DPF3: variants seen among roughly 807,000 people sequenced by gnomAD.
The protein encoded by DPF3 is zinc finger protein DPF3.
In DPF3, 18 loss-of-function variants were observed where a neutral mutation model predicts 56.8. The observed-to-expected ratio is 0.32, with a 90% CI of 0.22 to 0.47. DPF3 has a LOEUF of 0.47. Ranked by LOEUF, DPF3 falls within the 20% of genes least tolerant of loss-of-function variation. The pLI, the probability that DPF3 is intolerant of heterozygous loss-of-function variation, is 1.00. For missense variants in DPF3, 403 were observed against 488.8 expected, an observed-to-expected ratio of 0.82 and a Z score of 1.65; for synonymous variants, 188 against 180.2, an observed-to-expected ratio of 1.04 and a Z score of -0.35.
chr14:72,835,329 G>A (rs776794428), intron 1 of DPF3, among the ~76,000 whole-genome samples: 1 of 152,196 alleles, frequency 6.6e-6, no homozygotes, highest in Non-Finnish European at 1.5e-5. Flanking sequence ...GCCTCCCAAA[G>A]TGCTGGAATT....
chr14:72,851,517 CT>C (rs1884983938), intron 1 of DPF3, among the ~76,000 whole-genome samples: 1 of 152,154 alleles, frequency 6.6e-6, no homozygotes, highest in Admixed American at 6.5e-5. Flanking sequence ...AGGTAACATC[CT>C]TTTCCTCCCC....
At chr14:72,739,733 G>GA (rs1413348845) in intron 3 of DPF3, among the ~76,000 whole-genome samples, 1 of 152,168 alleles carries the variant, frequency 6.6e-6, no homozygotes, top group Non-Finnish European at 1.5e-5. Flanking sequence ...AGCTTCGGGG[G>GA]AAAAATCATG....
intron 5 of DPF3, among the ~76,000 whole-genome samples, chr14:72,715,888 C>T (rs559683801): frequency 1.3e-5 from 2 of 150,764 alleles, no homozygotes; most frequent in East Asian, 2.0e-4. Context: ...CTCCTCCCCT[C>T]GCCCTCATTA....
intron 1 of DPF3, among the ~76,000 whole-genome samples, chr14:72,816,519 C>G (rs373880323): frequency 1.8e-4 from 28 of 152,146 alleles, no homozygotes; most frequent in African/African-American, 6.5e-4. Context: ...CCAGAAGAGC[C>G]TATTGACTCA....
intron 1 of DPF3, among the ~76,000 whole-genome samples, chr14:72,861,802 A>AGAAAGAAAGAAG (rs1885449378): frequency 3.5e-5 from 5 of 144,126 alleles, no homozygotes; most frequent in East Asian, 2.0e-4. Flanking sequence ...AAAGAAAGAA[A>AGAAAGAAAGAAG]GAAGGAAAGA....
At chr14:72,871,296 A>C (rs1281975060) in intron 1 of DPF3, among the ~76,000 whole-genome samples, 1 of 152,198 alleles carries the variant, frequency 6.6e-6, no homozygotes, top group Non-Finnish European at 1.5e-5. Flanking sequence ...TTTCAAAACC[A>C]ATCATGCCTT....
At chr14:72,755,673 C>T (rs1281887008) in intron 2 of DPF3, among the ~76,000 whole-genome samples, 1 of 152,224 alleles carries the variant, frequency 6.6e-6, no homozygotes, top group Non-Finnish European at 1.5e-5. Flanking sequence ...GGACTCCACA[C>T]TCATGCAACA....
At position 72,770,967 on chromosome 14, in the gene DPF3, A is replaced by G. The variant is rs1461107102; in HGVS notation, c.193+766T>C. Among the ~76,000 whole-genome samples the G allele has an allele frequency of 5.1e-5, 5 of 97,544 alleles. No individual in the cohort carries two copies. In the South Asian group the frequency reaches 1.1e-3, roughly 22 times the overall value. The allele number at this position is 97,544 out of a possible 152,430, so 64.0% of individuals were successfully genotyped here. ...GCCCAGGCAGGCAGATCATGAGATC[A>G]GGAGTTCGAGACAGCCTGACCAACA... On this transcript the variant is annotated intron_variant, in intron 2 of 10. Coordinates refer to ENST00000556509, the MANE Select transcript of DPF3 (RefSeq NM_001280542.3).
At chr14:72,740,197 G>T (rs1307014360) in intron 3 of DPF3, among the ~76,000 whole-genome samples, 1 of 152,188 alleles carries the variant, frequency 6.6e-6, no homozygotes, top group Non-Finnish European at 1.5e-5. Flanking sequence ...ACCAGCTTGG[G>T]GAGCTACAGG....
intron 1 of DPF3, among the ~76,000 whole-genome samples, chr14:72,882,691 T>C (rs911022642): frequency 6.6e-6 from 1 of 152,212 alleles, no homozygotes; most frequent in African/African-American, 2.4e-5. Flanking sequence ...TGGTTCTGCA[T>C]TGGCTAAGTC....
chr14:72,676,754 T>C (rs1390494044), intron 7 of DPF3, among the ~76,000 whole-genome samples: 2 of 152,214 alleles, frequency 1.3e-5, no homozygotes, highest in Non-Finnish European at 2.9e-5. Flanking sequence ...CTGCCGTGAT[T>C]GTGAGGCCTC....
intron 1 of DPF3, chr14:72,879,695 G>A: frequency 7.4e-7 from 1 of 1,351,990 alleles, no homozygotes; most frequent in Non-Finnish European, 9.8e-7. Flanking sequence ...CAAGCAGTTT[G>A]CTCAGACACC....
chr14:72,763,044 A>G (rs1891127072), intron 2 of DPF3, among the ~76,000 whole-genome samples: 1 of 151,964 alleles, frequency 6.6e-6, no homozygotes, highest in Non-Finnish European at 1.5e-5. Context: ...GACAAATCTG[A>G]CAAAAATGTT....
At chr14:72,700,527 A>C (rs1193678962) in intron 6 of DPF3, among the ~76,000 whole-genome samples, 1 of 152,208 alleles carries the variant, frequency 6.6e-6, no homozygotes, top group African/African-American at 2.4e-5. Flanking sequence ...GTCCTGAGTC[A>C]GGCATAAAAT....
chr14:72,680,731 A>T (rs1887128986), intron 7 of DPF3, among the ~76,000 whole-genome samples: 1 of 152,238 alleles, frequency 6.6e-6, no homozygotes, highest in Non-Finnish European at 1.5e-5. Context: ...ATGCCACAGG[A>T]GAGCTGGAAA....
At chr14:72,841,922 A>G (rs1884558206) in intron 1 of DPF3, among the ~76,000 whole-genome samples, 1 of 152,010 alleles carries the variant, frequency 6.6e-6, no homozygotes, top group Non-Finnish European at 1.5e-5. Flanking sequence ...TCTCTCTACA[A>G]AAGAAATTTT....
intron 8 of DPF3, among the ~76,000 whole-genome samples, chr14:72,673,629 T>C (rs997449793): frequency 6.6e-5 from 10 of 152,216 alleles, no homozygotes; most frequent in African/African-American, 1.9e-4. Flanking sequence ...TATAAACATA[T>C]ACACCAAATC....
chr14:72,631,106 A>G (rs1222837266), intron 8 of DPF3, among the ~76,000 whole-genome samples: 1 of 152,230 alleles, frequency 6.6e-6, no homozygotes, highest in East Asian at 1.9e-4. Flanking sequence ...CTCCACAAAT[A>G]GAAACCATGC....
chr14:72,777,356 A>G (rs967654451), intron 1 of DPF3, among the ~76,000 whole-genome samples: 3 of 152,234 alleles, frequency 2.0e-5, no homozygotes, highest in African/African-American at 7.2e-5. Context: ...AGGGGGCAAT[A>G]TCTGGCAAGG....
Sources: gnomAD v4.1 joint callset for allele counts (sites outside exome capture counted in the v4.1 genomes callset) on GRCh38, gnomAD v4.1.1 for gene constraint, MANE v1.5 for transcripts, NCBI Gene and HGNC (gene_info 2026-07-23, HGNC 2026-07-21) for gene names.